The following UBL7 variants were observed in gnomAD, a reference collection of about 807,000 sequenced individuals.
UBL7 encodes ubiquitin-like protein 7.
Under a neutral mutation model 41.7 loss-of-function variants are expected in UBL7, and 21 were observed. That is an observed-to-expected ratio of 0.50 (90% confidence interval 0.36 to 0.73). The LOEUF (loss-of-function observed/expected upper bound fraction) is 0.73. Among genes scored for constraint, UBL7 ranks in the 30% least tolerant of loss-of-function variants. The pLI is 0.00. For missense variants in UBL7, 403 were observed against 478.4 expected (o/e 0.84, Z 1.47); for synonymous variants, 157 against 186.9 (o/e 0.84, Z 1.31).
chr15:74,452,108 C>T (rs569856315), intron 4 of UBL7, among the ~76,000 whole-genome samples, 188 bp downstream of exon 4: 77 of 152,304 alleles, frequency 5.1e-4, no homozygotes, highest in African/African-American at 1.8e-3. Flanking sequence ...GAATCAACAA[C>T]GCCTGACTGA....
intron 6 of UBL7, 144 bp from the exon 7 acceptor site, chr15:74,450,213 A>T (rs1417073457): frequency 9.2e-6 from 10 of 1,083,264 alleles, no homozygotes; most frequent in Non-Finnish European, 1.3e-5. Context: ...TTCCACCAGG[A>T]AGCTTTATCC....
At chr15:74,450,621 C>T (rs2061235072) in intron 6 of UBL7, among the ~76,000 whole-genome samples, 181 bp downstream of exon 6, 1 of 152,182 alleles carries the variant, frequency 6.6e-6, no homozygotes, top group African/African-American at 2.4e-5. Flanking sequence ...TTCCTCCCAG[C>T]ACTCTTGACA....
At chr15:74,460,896 CACTT>C in intron 1 of UBL7, 137 bp downstream of exon 1, 9 of 1,177,890 alleles carry the variant, frequency 7.6e-6, no homozygotes, top group Non-Finnish European at 9.6e-6. Context: ...TACCATGTCT[CACTT>C]AATCCTCACA....
At chr15:74,450,578 T>G (rs2061234540) in intron 6 of UBL7, among the ~76,000 whole-genome samples, 1 of 152,206 alleles carries the variant, frequency 6.6e-6, no homozygotes. Flanking sequence ...AAACTGAGCC[T>G]GGCAGACAAG....
chr15:74,455,375 A>G (rs1255259860), intron 3 of UBL7, among the ~76,000 whole-genome samples: 2 of 152,194 alleles, frequency 1.3e-5, no homozygotes, highest in Non-Finnish European at 1.5e-5. Flanking sequence ...TTATAAACCA[A>G]AAAGGCATCT....
chr15:74,453,516 G>A (rs2061268671), intron 3 of UBL7, among the ~76,000 whole-genome samples: 1 of 152,138 alleles, frequency 6.6e-6, no homozygotes, highest in Non-Finnish European at 1.5e-5. Context: ...AGAGAGAGCT[G>A]ATATTTACTG....
At chr15:74,449,598 A>C (rs373645449) in intron 8 of UBL7, 28 bp downstream of exon 8, 1 of 1,614,020 alleles carries the variant, frequency 6.2e-7, no homozygotes, top group Non-Finnish European at 8.5e-7. Context: ...ACATGTCAGC[A>C]TGTCAGGCAG....
At position 74,458,842 on chromosome 15, in the gene UBL7, G is replaced by A. The variant is rs764208824; in HGVS notation, c.26C>T (p.Ala9Val). 25 of 1,611,954 alleles carry A rather than the reference G, an allele frequency of 1.6e-5. No homozygotes were observed. Among genetic ancestry groups the A allele is most frequent in the East Asian group, 2.2e-5 (1 of 44,902 alleles). Residue 9 changes from alanine (A) to valine (V), a missense_variant, in exon 2 of 11, where the codon GCG becomes GTG. Transcript: ENST00000395081. ...AAGTGGCTGGTCAGCCAGCTTCACC[G>A]CCAGGTGCCAGTCTGAGAGAGACAT... MSLSDWHL[A>V]VKLADQPLTP...
chr15:74,449,795 G>A (rs2061223920), intron 7 of UBL7, 120 bp from the exon 8 acceptor site: 1 of 1,542,066 alleles, frequency 6.5e-7, no homozygotes, highest in Admixed American at 1.9e-5. Flanking sequence ...GAAAATTACA[G>A]GACAGATGCA....
chr15:74,446,246 G>A lies in UBL7; in HGVS notation c.1006-19C>T. The A allele has an allele frequency of 1.9e-6, 3 of 1,613,432 alleles. No homozygotes were observed. In the South Asian group the frequency reaches 3.3e-5, roughly 18 times the overall value. ...ACTGGCTCTGTGGAAAGATAGGAAT[G>A]GGCAGAAGCTGTTAGCTGGGATCCA... On this transcript the variant is annotated intron_variant, in intron 10 of 10. Coordinates refer to ENST00000395081, the MANE Select transcript of UBL7 (RefSeq NM_032907.5). The surrounding 1 kb of genome is among the most constrained non-coding windows in gnomAD (Gnocchi z 4.1).
chr15:74,458,878 T>C lies in UBL7; in HGVS notation c.-11A>G, dbSNP rs1187243691. On this transcript the variant is annotated 5_prime_UTR_variant, in exon 2 of 11. Coordinates refer to ENST00000395081, the MANE Select transcript of UBL7 (RefSeq NM_032907.5). ...GTCTGAGAGAGACATCCTCTCTCTT[T>C]CGCGCTCTCTCTTTCTCCCTGTAAA... 6.2e-7 allele frequency: 1 copy of C among 1,607,420 alleles called. No individual in the cohort carries two copies. Among genetic ancestry groups the C allele is most frequent in the Admixed American group, 1.7e-5 (1 of 60,026 alleles).
chr15:74,447,776 A>T (rs2061198701), intron 10 of UBL7, among the ~76,000 whole-genome samples: 1 of 152,088 alleles, frequency 6.6e-6, no homozygotes, highest in African/African-American at 2.4e-5. Context: ...CATCAAGTCT[A>T]ATCTCCGCAG....
Position 74,446,045 on chromosome 15 carries a change from C to A in UBL7, c.*45G>T. Reference sequence around the variant, plus strand: ...CACCTTCATGAGTGCCTCCCAAGGGCAGTAGCCTCTGCAACTTGCTGGGGG... The same window carrying A: ...CACCTTCATGAGTGCCTCCCAAGGGAAGTAGCCTCTGCAACTTGCTGGGGG... On this transcript the variant is annotated 3_prime_UTR_variant, in exon 11 of 11. Transcript: ENST00000395081. This position sits in a 1 kb window ranked among gnomAD's most constrained non-coding sequence, Gnocchi z 4.1. 6.2e-7 allele frequency: 1 copy of A among 1,607,316 alleles called. No individual in the cohort carries two copies. The highest frequency in any genetic ancestry group is 1.3e-5 in the African/African-American group (1 of 74,918).
In UBL7 at chr15:74,456,540, C is replaced by T. The variant is rs778947349; in HGVS notation, c.304+12G>A. 1 of 1,613,454 alleles carries T rather than the reference C, an allele frequency of 6.2e-7. No homozygotes were observed. The highest frequency in any genetic ancestry group is 8.5e-7 in the Non-Finnish European group (1 of 1,179,654). On this transcript the variant is annotated intron_variant, in intron 3 of 10. Coordinates refer to ENST00000395081, the MANE Select transcript of UBL7 (RefSeq NM_032907.5). ...AGAAACTCTGCCTGCCTAAGGGCTG[C>T]CCCTCACTCACCCGGTTTCTGATCA...
intron 4 of UBL7, 45 bp downstream of exon 4, chr15:74,452,251 C>T (rs1464221076): frequency 6.5e-7 from 1 of 1,532,728 alleles, no homozygotes; most frequent in Non-Finnish European, 8.8e-7. Context: ...CCAGCGTTCA[C>T]ACCCTCTCCT....
At chr15:74,457,228 G>A (rs932076631) in intron 2 of UBL7, among the ~76,000 whole-genome samples, 1 of 152,118 alleles carries the variant, frequency 6.6e-6, no homozygotes, top group Admixed American at 6.6e-5. Context: ...GAGCCTGGCC[G>A]ACATGGCGAA....
intron 1 of UBL7, 133 bp from the exon 2 acceptor site, chr15:74,459,029 C>T (rs1265773008): frequency 2.5e-6 from 2 of 793,482 alleles, no homozygotes; most frequent in African/African-American, 3.5e-5. Context: ...CATCAGGAGG[C>T]CAGAACTAGA....
In UBL7 at chr15:74,446,738, C is replaced by T. The variant is rs190206886; in HGVS notation, c.1006-511G>A. On this transcript the variant is annotated intron_variant, in intron 10 of 10. Transcript: ENST00000395081. The surrounding 1 kb of genome is among the most constrained non-coding windows in gnomAD (Gnocchi z 4.1). ...ACTGTAAGAGATGTTTTAAATTTTT[C>T]GCTTTTACAAACCCAAAATGCATAA... Among the ~76,000 whole-genome samples, 1 of 152,076 alleles carries T rather than the reference C, an allele frequency of 6.6e-6. No individual in the cohort carries two copies. The highest frequency in any genetic ancestry group is 2.4e-5 in the African/African-American group (1 of 41,390).
In UBL7 at chr15:74,446,059, A is replaced by G. The variant is rs764724163; in HGVS notation, c.*31T>C. ...CCTCCCAAGGGCAGTAGCCTCTGCAACTTGCTGGGGGTTCAGGGGAAGCAG... is the reference window on the plus strand; with the variant it reads ...CCTCCCAAGGGCAGTAGCCTCTGCAGCTTGCTGGGGGTTCAGGGGAAGCAG... On this transcript the variant is annotated 3_prime_UTR_variant, in exon 11 of 11. Transcript: ENST00000395081. The surrounding 1 kb of genome is among the most constrained non-coding windows in gnomAD (Gnocchi z 4.1). 9.0e-5 allele frequency: 145 copies of G among 1,610,818 alleles called. 1 individual carries two copies. The East Asian group carries it at 3.2e-3, about 35-fold the overall frequency.
Sources: allele counts gnomAD v4.1 joint callset (sites outside exome capture counted in the v4.1 genomes callset), GRCh38; gene constraint gnomAD v4.1.1; non-coding constraint Gnocchi (gnomAD v3.1); transcripts MANE v1.5; gene names NCBI Gene and HGNC (gene_info 2026-07-23, HGNC 2026-07-21).